The following DIO2 variants were observed in gnomAD, a reference collection of about 807,000 sequenced individuals.
DIO2 encodes iodothyronine deiodinase 2.
In DIO2, 19 loss-of-function variants were observed where a neutral mutation model predicts 21.4. The observed-to-expected ratio is 0.89, with a 90% CI of 0.62 to 1.30. The LOEUF (loss-of-function observed/expected upper bound fraction) is 1.30. Among genes scored for constraint, DIO2 ranks in the 50% most tolerant of loss-of-function variants. The probability of loss-of-function intolerance (pLI) is 0.00; values close to 1 mark genes in which losing one functional copy is unlikely to be tolerated. For missense variants in DIO2, 302 were observed against 338.1 expected, an observed-to-expected ratio of 0.89 and a Z score of 0.84; for synonymous variants, 122 against 132.9, an observed-to-expected ratio of 0.92 and a Z score of 0.57.
chr14:80,211,154 C>A, intron 1 of DIO2, 97 bp downstream of exon 1: 1 of 1,202,752 alleles, frequency 8.3e-7, no homozygotes, highest in South Asian at 1.5e-5. Flanking sequence ...TAGGGCTTCA[C>A]AGCTCTCCCC....
chr14:80,220,249 C>T (rs994090428), intron 2 of DIO2, among the ~76,000 whole-genome samples: 2 of 152,088 alleles, frequency 1.3e-5, no homozygotes, highest in African/African-American at 4.8e-5. Context: ...TTGTTTTTGA[C>T]AGTCCCTATC....
chr14:80,218,909 C>G (rs746474702), intron 2 of DIO2, among the ~76,000 whole-genome samples: 77 of 152,084 alleles, frequency 5.1e-4, no homozygotes, highest in Non-Finnish European at 2.8e-4. Flanking sequence ...ATCCAGGAGG[C>G]AGAGGTTGCA....
chr14:80,212,336 C>CCT (rs569929485), upstream of DIO2, among the ~76,000 whole-genome samples: 5 of 148,064 alleles, frequency 3.4e-5, no homozygotes, highest in Non-Finnish European at 7.5e-5. Flanking sequence ...AACTCGACAA[C>CCT]TTTTTTTTTT....
intron 1 of DIO2, chr14:80,205,548 A>G: frequency 8.3e-7 from 1 of 1,208,714 alleles, no homozygotes; most frequent in South Asian, 1.5e-5. Flanking sequence ...ATGTCTGATT[A>G]TTCAACTGAA....
chr14:80,222,241 C>T (rs962200343), intron 2 of DIO2, among the ~76,000 whole-genome samples: 48 of 152,252 alleles, frequency 3.2e-4, no homozygotes, highest in Middle Eastern at 3.4e-3. Flanking sequence ...TCCTACAATA[C>T]ATAAAAATGC....
intron 1 of DIO2, among the ~76,000 whole-genome samples, chr14:80,210,294 C>T (rs1056445033): frequency 5.9e-5 from 9 of 152,134 alleles, no homozygotes; most frequent in African/African-American, 2.2e-4. Context: ...TCCTCTGTGC[C>T]CCTGAAGATC....
At chr14:80,206,034 C>T (rs1887941509) in intron 1 of DIO2, among the ~76,000 whole-genome samples, 1 of 152,114 alleles carries the variant, frequency 6.6e-6, no homozygotes. Context: ...TTGATCTGTC[C>T]TTGACAGTCT....
chr14:80,213,854 G>T (rs932123020), upstream of DIO2, among the ~76,000 whole-genome samples: 1 of 152,076 alleles, frequency 6.6e-6, no homozygotes, highest in Non-Finnish European at 1.5e-5. Context: ...TCATTAGTTT[G>T]GCTCCTAATG....
upstream of DIO2, among the ~76,000 whole-genome samples, chr14:80,213,034 A>G (rs1052810460): frequency 1.3e-5 from 2 of 152,212 alleles, no homozygotes; most frequent in African/African-American, 2.4e-5. Context: ...ATAACCCCTA[A>G]GAGACCTGAT....
chr14:80,212,745 G>A (rs1888256194), upstream of DIO2, among the ~76,000 whole-genome samples: 1 of 151,550 alleles, frequency 6.6e-6, no homozygotes, highest in South Asian at 2.1e-4. Context: ...GTTGTAGGTG[G>A]AAAACTTGTA....
intron 2 of DIO2, among the ~76,000 whole-genome samples, chr14:80,225,435 G>A (rs1164364224): frequency 6.6e-6 from 1 of 152,160 alleles, no homozygotes; most frequent in Non-Finnish European, 1.5e-5. Flanking sequence ...CTGATATGAG[G>A]TCAATAAATC....
intron 1 of DIO2, chr14:80,205,621 A>G (rs1887919237): frequency 7.5e-7 from 1 of 1,329,762 alleles, no homozygotes; most frequent in South Asian, 1.2e-5. Flanking sequence ...ATTTTCTTGG[A>G]AAGTTAAGGC....
chr14:80,213,658 C>T (rs1023817658), upstream of DIO2, among the ~76,000 whole-genome samples: 3 of 152,118 alleles, frequency 2.0e-5, no homozygotes, highest in Non-Finnish European at 4.4e-5. Flanking sequence ...TCATTGAGGA[C>T]GTCCTGAATG....
chr14:80,199,884 G>A lies in DIO2; in HGVS notation c.*2805C>T, dbSNP rs1429246193. The A allele has an allele frequency of 2.0e-5, 3 of 152,446 alleles. No individual in the cohort carries two copies. Among genetic ancestry groups the A allele is most frequent in the Non-Finnish European group, 4.4e-5 (3 of 68,006 alleles). The allele number at this position is 152,446 out of a possible 1,614,324, so 9.4% of individuals were successfully genotyped here. Reference sequence around the variant, plus strand: ...AGATTTATACTATGATATATAAATAGATACACATTTCCCTGTGGGACTAAG... The same window carrying A: ...AGATTTATACTATGATATATAAATAAATACACATTTCCCTGTGGGACTAAG... On this transcript the variant is annotated 3_prime_UTR_variant, in exon 2 of 2. Coordinates refer to ENST00000438257, the MANE Select transcript of DIO2 (RefSeq NM_013989.5).
At chr14:80,222,791 C>T (rs1888491100) in intron 2 of DIO2, among the ~76,000 whole-genome samples, 1 of 151,576 alleles carries the variant, frequency 6.6e-6, no homozygotes, top group Admixed American at 6.6e-5. Context: ...TGCCATTCTA[C>T]TTGAACTATA....
Position 80,201,162 on chromosome 14 carries a change from ATATT to A in DIO2, c.*1523_*1526del. 6.6e-6 allele frequency: 1 copy of A among 150,988 alleles called. No individual in the cohort carries two copies. Among genetic ancestry groups the A allele is most frequent in the African/African-American group, 2.4e-5 (1 of 41,266 alleles). The allele number at this position is 150,988 out of a possible 1,614,324, so 9.4% of individuals were successfully genotyped here. A position where few individuals can be genotyped will look rare whatever the true frequency, so the allele number is the denominator to read the frequency against. On this transcript the variant is annotated 3_prime_UTR_variant, in exon 2 of 2. Coordinates refer to ENST00000438257, the MANE Select transcript of DIO2 (RefSeq NM_013989.5). ...AAAAAGAAAAAAATATTTTATATAT[ATATT>A]TTTTAAAATAGCATTATAATCATAT...
At position 80,198,647 on chromosome 14, in the gene DIO2, T is replaced by C. The variant is rs907083641; in HGVS notation, c.*4042A>G. Reference sequence around the variant, plus strand: ...GTGCCCATTGCAAAGCAGAGATTGGTACTTAAGCCCCATTCTGGAAGCATA... The same window carrying C: ...GTGCCCATTGCAAAGCAGAGATTGGCACTTAAGCCCCATTCTGGAAGCATA... On this transcript the variant is annotated 3_prime_UTR_variant, in exon 2 of 2. Transcript: ENST00000438257. 3 of 151,864 alleles carry C rather than the reference T, an allele frequency of 2.0e-5. No homozygotes were observed. Among genetic ancestry groups the C allele is most frequent in the African/African-American group, 7.3e-5 (3 of 41,312 alleles). The allele number at this position is 151,864 out of a possible 1,614,324, so 9.4% of individuals were successfully genotyped here. A position where few individuals can be genotyped will look rare whatever the true frequency, so the allele number is the denominator to read the frequency against.
At chr14:80,229,447 G>C (rs996769357) in intron 2 of DIO2, among the ~76,000 whole-genome samples, 1 of 152,102 alleles carries the variant, frequency 6.6e-6, no homozygotes, top group Non-Finnish European at 1.5e-5. Flanking sequence ...ATATAAAGAA[G>C]AGCAATTATA....
At chr14:80,216,487 T>A (rs1401406690), upstream of DIO2, among the ~76,000 whole-genome samples, 2 of 152,076 alleles carry the variant, frequency 1.3e-5, no homozygotes, top group East Asian at 3.9e-4. Context: ...TGCCCAAACC[T>A]CTCCAGGTGC....
Sources: allele counts gnomAD v4.1 joint callset (sites outside exome capture counted in the v4.1 genomes callset), GRCh38; gene constraint gnomAD v4.1.1; transcripts MANE v1.5; gene names NCBI Gene and HGNC (gene_info 2026-07-23, HGNC 2026-07-21).